ULK2: variants seen among roughly 807,000 people sequenced by gnomAD.
ULK2 encodes unc-51 like autophagy activating kinase 2.
In ULK2, 76 loss-of-function variants were observed where a neutral mutation model predicts 127.5. The observed-to-expected ratio is 0.60, with a 90% CI of 0.50 to 0.72. The LOEUF is 0.72. Among genes scored for constraint, ULK2 ranks in the 30% least tolerant of loss-of-function variants. The pLI, the probability that ULK2 is intolerant of heterozygous loss-of-function variation, is 0.00. For missense variants in ULK2, 1,144 were observed against 1,295.9 expected (o/e 0.88, Z 1.80); for synonymous variants, 452 against 461.9 (o/e 0.98, Z 0.28).
chr17:19,797,271 T>C (rs1410055080), intron 18 of ULK2, 125 bp downstream of exon 18: 6 of 1,132,248 alleles, frequency 5.3e-6, no homozygotes, highest in Non-Finnish European at 7.2e-6. Context: ...CACTCCAGCC[T>C]GGGCGACAAA....
chr17:19,788,639 G>C (rs1381259751), intron 20 of ULK2, among the ~76,000 whole-genome samples: 1 of 152,074 alleles, frequency 6.6e-6, no homozygotes, highest in African/African-American at 2.4e-5. Context: ...TGATTACAGT[G>C]GGATAGAGCA....
At chr17:19,791,813 G>A (rs143717124) in intron 20 of ULK2, among the ~76,000 whole-genome samples, 14 of 139,068 alleles carry the variant, frequency 1.0e-4, no homozygotes, top group East Asian at 4.2e-4. Context: ...CACCAAGATC[G>A]TGCCACTGCA....
At chr17:19,794,134 G>C (rs184426470) in intron 20 of ULK2, among the ~76,000 whole-genome samples, 4 of 152,212 alleles carry the variant, frequency 2.6e-5, no homozygotes, top group Admixed American at 1.3e-4. Flanking sequence ...TGAGATTGAA[G>C]ATATGTGAAT....
rs2086896915 is a variant in ULK2 at position 19,780,535 on chromosome 17, C to A, written c.2853G>T (p.Arg951Ser). ...KLNRFFSDKQ[R>S]FIDEINSVTA... is the part of the protein sequence containing the mutation. The stretch of plus-strand genomic sequence containing the variant: ...TCACACTGTTGATTTCATCAATAAA[C>A]CTCTGTTTGTCAGAGAAGAATCGAT... The change falls in exon 25 of 27, where the codon AGG becomes AGT. Residue 951 changes from arginine to serine, a missense_variant. By Grantham distance (110) the Arg-to-Ser change is moderately radical (BLOSUM62 -1). Coordinates refer to ENST00000395544, the MANE Select transcript of ULK2 (RefSeq NM_014683.4). 1 of 1,613,680 alleles carries A rather than the reference C, an allele frequency of 6.2e-7. No individual in the cohort carries two copies. The highest frequency in any genetic ancestry group is 1.7e-5 in the Admixed American group (1 of 59,972).
intron 16 of ULK2, among the ~76,000 whole-genome samples, chr17:19,801,541 C>A (rs1407343617): frequency 6.6e-6 from 1 of 152,098 alleles, no homozygotes; most frequent in African/African-American, 2.4e-5. Flanking sequence ...AGATCATGCC[C>A]CCTGCACTCC....
intron 3 of ULK2, among the ~76,000 whole-genome samples, chr17:19,858,654 T>C (rs1171649835): frequency 6.6e-6 from 1 of 151,926 alleles, no homozygotes; most frequent in Non-Finnish European, 1.5e-5. Context: ...AAAAGATGAC[T>C]GATACCCTAA....
chr17:19,843,052 T>G, intron 8 of ULK2, 69 bp downstream of exon 8: 1 of 1,273,926 alleles, frequency 7.8e-7, no homozygotes, highest in South Asian at 1.2e-5. Flanking sequence ...TTCTTCATTT[T>G]ACAAATCAAA....
At chr17:19,843,857 A>G (rs772710997) in intron 7 of ULK2, among the ~76,000 whole-genome samples, 44 of 151,952 alleles carry the variant, frequency 2.9e-4, no homozygotes, top group African/African-American at 9.7e-4. Flanking sequence ...ACAAGGTTTC[A>G]CCATGTTGGC....
In ULK2 at chr17:19,801,863, C is replaced by A; in HGVS notation, c.1355G>T (p.Cys452Phe). ...TGCTGTGTCTGCTGGTACTGGGGAG[C>A]ATGATCCCGGCCGGAGGAAGCCCAT... ...SPMGFLRPGS[C>F]SPVPADTAQT... The change falls in exon 16 of 27, where the codon TGC (cysteine) becomes TTC (phenylalanine). Residue 452 changes from cysteine to phenylalanine, a missense_variant. By Grantham distance (205) the Cys-to-Phe change is radical (BLOSUM62 -2). Transcript: ENST00000395544. 6.2e-7 allele frequency: 1 copy of A among 1,614,136 alleles called. No homozygotes were observed. Among genetic ancestry groups the A allele is most frequent in the Non-Finnish European group, 8.5e-7 (1 of 1,179,998 alleles).
intron 12 of ULK2, among the ~76,000 whole-genome samples, chr17:19,820,851 G>A (rs189890052): frequency 6.6e-6 from 1 of 152,064 alleles, no homozygotes; most frequent in East Asian, 1.9e-4. Context: ...ACTCCCATAG[G>A]CAATGAAGAT....
intron 20 of ULK2, among the ~76,000 whole-genome samples, chr17:19,789,649 G>A (rs1242754109): frequency 6.6e-6 from 1 of 152,030 alleles, no homozygotes; most frequent in African/African-American, 2.4e-5. Context: ...GGAAATTCAA[G>A]ATAATATAGA....
chr17:19,814,447 T>TG lies in ULK2; in HGVS notation c.1096+2301_1096+2302insC, dbSNP rs1567696617. ...ATATATATATATATATATTTTTTTT[T>TG]TTTTTTTTTTTTTTTTGGAGACAGG... On this transcript the variant is annotated intron_variant, in intron 13 of 26. Coordinates refer to ENST00000395544, the MANE Select transcript of ULK2 (RefSeq NM_014683.4). 1.1e-3 allele frequency among the ~76,000 whole-genome samples: 41 copies of TG among 37,978 alleles called. 1 individual carries two copies. The highest frequency in any genetic ancestry group is 0.017 in the Middle Eastern group (1 of 58). 24.9% of individuals were successfully genotyped at this position (37,978 alleles called of 152,430 possible).
chr17:19,788,282 G>A (rs925645071), intron 20 of ULK2, among the ~76,000 whole-genome samples: 15 of 151,792 alleles, frequency 9.9e-5, no homozygotes, highest in African/African-American at 3.6e-4. Context: ...CCCAGGCAGC[G>A]CAGCTCACAG....
At chr17:19,809,919 C>T (rs2087596998) in intron 14 of ULK2, among the ~76,000 whole-genome samples, 1 of 151,228 alleles carries the variant, frequency 6.6e-6, no homozygotes, top group Admixed American at 6.6e-5. Context: ...AAAAAAATAA[C>T]TAAATAAAAT....
At chr17:19,818,803 T>C (rs996423612) in intron 12 of ULK2, among the ~76,000 whole-genome samples, 198 of 131,034 alleles carry the variant, frequency 1.5e-3, no homozygotes, top group East Asian at 0.01. Flanking sequence ...TTTTCTTTTT[T>C]TTTTTTTTTT....
intron 10 of ULK2, among the ~76,000 whole-genome samples, chr17:19,832,464 A>G (rs551556895): frequency 1.3e-5 from 2 of 152,156 alleles, no homozygotes; most frequent in South Asian, 4.1e-4. Flanking sequence ...GGCTTTCACC[A>G]CGTTGCCCAG....
In ULK2 at chr17:19,825,942, C is replaced by T. The variant is rs183852237; in HGVS notation, c.835+197G>A. ...TGGAGGTTGCTGTGAGCCGAGATCA[C>T]GCCACTGCACTCCAGCCTGGGCAAC... On this transcript the variant is annotated intron_variant, in intron 11 of 26. Coordinates refer to ENST00000395544, the MANE Select transcript of ULK2 (RefSeq NM_014683.4). Among the ~76,000 whole-genome samples the T allele has an allele frequency of 7.3e-3, 1,086 of 148,792 alleles. 10 individuals carry two copies. Among genetic ancestry groups the T allele is most frequent in the African/African-American group, 0.025 (1,025 of 40,458 alleles).
In ULK2 at chr17:19,816,766, A is replaced by T; in HGVS notation, c.1079T>A (p.Ile360Asn). Reference sequence around the variant, plus strand: ...ATTCTCACATGAGTGGTCTGACGAGATGTTGTGTGGCACCAAAACAAAGTC... The same window carrying T: ...ATTCTCACATGAGTGGTCTGACGAGTTGTTGTGTGGCACCAAAACAAAGTC... Reference protein sequence around the residue: ...TDDFVLVPHNISSDHSCDMPV... With the variant: ...TDDFVLVPHNNSSDHSCDMPV... The change falls in exon 13 of 27, where the codon ATC (isoleucine) becomes AAC (asparagine). Residue 360 changes from isoleucine to asparagine, a missense_variant. Physicochemically the swap from Ile to Asn is moderately radical, Grantham distance 149. This residue lies in a region of ULK2 where 913 missense variants were observed against 970.5 expected (regional missense o/e 0.94). Coordinates refer to ENST00000395544, the MANE Select transcript of ULK2 (RefSeq NM_014683.4). 6.2e-7 allele frequency: 1 copy of T among 1,601,274 alleles called. No homozygotes were observed. Among genetic ancestry groups the T allele is most frequent in the Non-Finnish European group, 8.5e-7 (1 of 1,176,176 alleles).
chr17:19,846,995 A>C (rs2041899790), intron 5 of ULK2, 85 bp from the exon 6 acceptor site: 1 of 1,323,916 alleles, frequency 7.6e-7, no homozygotes, highest in Non-Finnish European at 1.0e-6. Context: ...TGGGTTGTGA[A>C]GGAGAGCATG....
Sources: allele counts gnomAD v4.1 joint callset (sites outside exome capture counted in the v4.1 genomes callset), GRCh38; gene constraint gnomAD v4.1.1; regional missense constraint gnomAD v4.1.1; transcripts MANE v1.5; gene names NCBI Gene and HGNC (gene_info 2026-07-23, HGNC 2026-07-21).